GRM8: variants seen among roughly 807,000 people sequenced by gnomAD.
GRM8 encodes the protein metabotropic glutamate receptor 8.
In GRM8, 47 loss-of-function variants were observed where a neutral mutation model predicts 87.2. That is an observed-to-expected ratio of 0.54 (90% CI 0.43 to 0.69). The LOEUF (loss-of-function observed/expected upper bound fraction) is 0.69. Among genes scored for constraint, GRM8 ranks in the 30% least tolerant of loss-of-function variants. The pLI, the probability that GRM8 is intolerant of heterozygous loss-of-function variation, is 0.00. For missense variants in GRM8, 1,019 were observed against 1,139.2 expected (o/e 0.89, Z 1.52); for synonymous variants, 396 against 404.5 (o/e 0.98, Z 0.25).
At chr7:126,980,250 A>C (rs986157883) in intron 3 of GRM8, among the ~76,000 whole-genome samples, 9 of 151,780 alleles carry the variant, frequency 5.9e-5, no homozygotes, top group Admixed American at 5.9e-4. Flanking sequence ...CAGACATGGC[A>C]CCTACTCTCA....
intron 7 of GRM8, among the ~76,000 whole-genome samples, chr7:126,671,852 TTCC>T (rs1286074380): frequency 1.3e-5 from 2 of 152,180 alleles, no homozygotes. Flanking sequence ...AAGACATCCA[TTCC>T]TCTCTCTTGT....
At chr7:126,503,387 C>T (rs150383873) in intron 9 of GRM8, among the ~76,000 whole-genome samples, 80 of 152,014 alleles carry the variant, frequency 5.3e-4, no homozygotes, top group Middle Eastern at 3.4e-3. Flanking sequence ...ACCAAACTTT[C>T]GAAAGCAGAA....
intron 9 of GRM8, among the ~76,000 whole-genome samples, chr7:126,499,203 T>A (rs1584832389): frequency 6.6e-6 from 1 of 151,664 alleles, no homozygotes; most frequent in Middle Eastern, 3.2e-3. Context: ...AAACTACATT[T>A]TTTTTTTTAT....
At chr7:126,855,482 T>TA (rs1797590684) in intron 6 of GRM8, among the ~76,000 whole-genome samples, 1 of 151,122 alleles carries the variant, frequency 6.6e-6, no homozygotes, top group Non-Finnish European at 1.5e-5. Flanking sequence ...CTTTTTTTTT[T>TA]TTTTTTTGAG....
intron 8 of GRM8, among the ~76,000 whole-genome samples, chr7:126,598,642 A>G (rs990763251): frequency 3.3e-5 from 5 of 151,720 alleles, no homozygotes; most frequent in Non-Finnish European, 7.4e-5. Context: ...TAGGCAAGAG[A>G]GAATCTATCA....
intron 2 of GRM8, among the ~76,000 whole-genome samples, chr7:127,207,611 C>T (rs1298659187): frequency 6.6e-6 from 1 of 152,102 alleles, no homozygotes; most frequent in African/African-American, 2.4e-5. Flanking sequence ...AGAACTAAAA[C>T]TAAAATCCTA....
At chr7:127,024,452 C>T (rs745649882) in intron 3 of GRM8, among the ~76,000 whole-genome samples, 3 of 151,818 alleles carry the variant, frequency 2.0e-5, no homozygotes, top group Non-Finnish European at 4.4e-5. Context: ...GATGTTAATA[C>T]GATAGTCAGA....
intron 8 of GRM8, among the ~76,000 whole-genome samples, chr7:126,601,095 C>A (rs988751399): frequency 7.2e-6 from 1 of 138,216 alleles, no homozygotes; most frequent in African/African-American, 2.8e-5. Flanking sequence ...CCCCACCCCA[C>A]CACAGTCCCC....
rs139077328 is a variant in GRM8 at position 126,668,822 on chromosome 7, G to A, written c.1358-59324C>T. On this transcript the variant is annotated intron_variant, in intron 7 of 10. Transcript: ENST00000339582. ...TAGGCCAGGCTTCACCCAGCAACTGGGTTTCCTTTTGCCTGTCTGTGTATT... is the reference window on the plus strand; with the variant it reads ...TAGGCCAGGCTTCACCCAGCAACTGAGTTTCCTTTTGCCTGTCTGTGTATT... 5.3e-5 allele frequency among the ~76,000 whole-genome samples: 8 copies of A among 152,152 alleles called. No individual in the cohort carries two copies. The East Asian group carries it at 1.5e-3, about 29-fold the overall frequency.
intron 7 of GRM8, among the ~76,000 whole-genome samples, chr7:126,768,464 T>C (rs1437230810): frequency 6.6e-6 from 1 of 151,118 alleles, no homozygotes; most frequent in Admixed American, 6.6e-5. Flanking sequence ...TAACAGTCTT[T>C]AATAGTATCA....
intron 3 of GRM8, among the ~76,000 whole-genome samples, chr7:126,955,914 G>A (rs747058706): frequency 6.6e-6 from 1 of 151,936 alleles, no homozygotes; most frequent in Non-Finnish European, 1.5e-5. Context: ...AGTGATTATA[G>A]GACTTCTTTT....
intron 2 of GRM8, among the ~76,000 whole-genome samples, chr7:127,214,250 AG>A (rs1034232169): frequency 1.3e-5 from 2 of 152,186 alleles, no homozygotes; most frequent in African/African-American, 4.8e-5. Flanking sequence ...GATTACATGA[AG>A]GGAACAGAAA....
chr7:127,097,049 C>A (rs557188436), intron 3 of GRM8, among the ~76,000 whole-genome samples: 1 of 152,094 alleles, frequency 6.6e-6, no homozygotes, highest in Non-Finnish European at 1.5e-5. Flanking sequence ...TCATGAAGAG[C>A]CTGTTACATG....
intron 3 of GRM8, among the ~76,000 whole-genome samples, chr7:126,996,780 C>G (rs934792930): frequency 1.1e-4 from 17 of 151,834 alleles, no homozygotes; most frequent in Non-Finnish European, 2.5e-4. Flanking sequence ...ACTTGAACAC[C>G]CAGATATATA....
chr7:127,249,988 C>A (rs185967084), intron 1 of GRM8, among the ~76,000 whole-genome samples: 2 of 152,140 alleles, frequency 1.3e-5, no homozygotes, highest in Admixed American at 6.5e-5. Flanking sequence ...TCCACTCCCC[C>A]CAACTAAAGC....
Position 126,533,051 on chromosome 7 carries a change from G to A in GRM8, c.2331C>T (p.Phe777=), listed in dbSNP as rs569979812. The change falls in exon 9 of 11, where the codon TTC becomes TTT. Residue 777 remains phenylalanine, a synonymous_variant. Transcript: ENST00000339582. ...TAAATCCAATAGGTTTGGCTTCATT[G>A]AAAGTCTCTGGGACACCTCTCGTTT... ...AIKTRGVPET[F]NEAKPIGFTM... is the part of the protein sequence containing the mutation. 46 of 1,613,426 alleles carry A rather than the reference G, an allele frequency of 2.9e-5. No homozygotes were observed. In the East Asian group the frequency reaches 5.1e-4, roughly 18 times the overall value.
At chr7:126,769,081 G>A (rs1048462756) in intron 7 of GRM8, among the ~76,000 whole-genome samples, 1 of 151,946 alleles carries the variant, frequency 6.6e-6, no homozygotes, top group Non-Finnish European at 1.5e-5. Flanking sequence ...TCCATTGTAT[G>A]GATTAAAGCC....
At chr7:127,005,088 G>T (rs764278192) in intron 3 of GRM8, among the ~76,000 whole-genome samples, 1 of 148,344 alleles carries the variant, frequency 6.7e-6, no homozygotes, top group Non-Finnish European at 1.5e-5. Context: ...TTCTGCTTAT[G>T]TCTGATATAT....
intron 6 of GRM8, among the ~76,000 whole-genome samples, chr7:126,852,223 G>T: frequency 6.6e-6 from 1 of 152,124 alleles, no homozygotes; most frequent in South Asian, 2.1e-4. Context: ...CATTCTATGT[G>T]CCTGTTTCTG....
Sources: gnomAD v4.1 joint callset for allele counts (sites outside exome capture counted in the v4.1 genomes callset) on GRCh38, gnomAD v4.1.1 for gene constraint, MANE v1.5 for transcripts, NCBI Gene and HGNC (gene_info 2026-07-23, HGNC 2026-07-21) for gene names.